MTFR1: variants seen among roughly 807,000 people sequenced by gnomAD.
The protein encoded by MTFR1 is mitochondrial fission regulator 1.
In MTFR1, 28 loss-of-function variants were observed where a neutral mutation model predicts 38.8. That is an observed-to-expected ratio of 0.72 (90% CI 0.53 to 0.99). The LOEUF (loss-of-function observed/expected upper bound fraction) is 0.99. Ranked by LOEUF, MTFR1 falls within the 50% of genes least tolerant of loss-of-function variation. The pLI is 0.00. For missense variants in MTFR1, 358 were observed against 395.5 expected, an observed-to-expected ratio of 0.91 and a Z score of 0.81; for synonymous variants, 145 against 137.0, an observed-to-expected ratio of 1.06 and a Z score of -0.41.
intron 1 of MTFR1, among the ~76,000 whole-genome samples, chr8:65,648,074 C>T (rs575470636): frequency 3.9e-5 from 6 of 151,968 alleles, no homozygotes; most frequent in East Asian, 1.9e-4. Context: ...TGCAGTGGTG[C>T]GATCTTGGCT....
chr8:65,719,317 T>C (rs777931873), intron 2 of MTFR1: 11 of 1,613,972 alleles, frequency 6.8e-6, no homozygotes, highest in Non-Finnish European at 8.5e-6. Flanking sequence ...CCTGAGGTAA[T>C]AACTGTGAGT....
chr8:65,644,884 G>C (rs1013357797), intron 1 of MTFR1, 100 bp downstream of exon 1: 2 of 152,422 alleles, frequency 1.3e-5, no homozygotes, highest in Non-Finnish European at 2.9e-5. Context: ...GTCAGAACAG[G>C]AGCTGAAGGA....
At chr8:65,692,298 T>C (rs1372845285) in intron 3 of MTFR1, among the ~76,000 whole-genome samples, 1 of 152,198 alleles carries the variant, frequency 6.6e-6, no homozygotes, top group African/African-American at 2.4e-5. Context: ...AACTCAGTTA[T>C]CTTTTTTGTT....
chr8:65,658,676 A>G (rs1028926394), intron 1 of MTFR1, among the ~76,000 whole-genome samples: 1 of 152,172 alleles, frequency 6.6e-6, no homozygotes, highest in Non-Finnish European at 1.5e-5. Flanking sequence ...ACAAAATGCC[A>G]CCTGATTCTT....
At chr8:65,708,387 CAA>C in intron 7 of MTFR1, 1 of 327,196 alleles carries the variant, frequency 3.1e-6, no homozygotes. Flanking sequence ...AGTATAGTAA[CAA>C]TGTATATTTT....
rs927337005 is a variant in MTFR1, at chr8:65,667,004, G to A, written c.-80-2869G>A. On this transcript the variant is annotated intron_variant, in intron 1 of 7. Coordinates refer to ENST00000262146, the MANE Select transcript of MTFR1 (RefSeq NM_014637.4). ...AATTAGAATTTTCCGGCCAGACGCG[G>A]TGGCTCACACCTTAATCCCAGCACT... Among the ~76,000 whole-genome samples the A allele has an allele frequency of 5.9e-5, 9 of 152,300 alleles. No individual in the cohort carries two copies. The East Asian group carries it at 1.7e-3, about 29-fold the overall frequency.
At chr8:65,732,294 C>G (rs1436659908) in intron 3 of MTFR1, among the ~76,000 whole-genome samples, 1 of 152,102 alleles carries the variant, frequency 6.6e-6, no homozygotes, top group African/African-American at 2.4e-5. Flanking sequence ...CCACCATGCC[C>G]AGCCACTAAC....
intron 3 of MTFR1, chr8:65,722,701 T>TTATGCTTTCTA (rs1276910586): frequency 6.6e-6 from 1 of 152,238 alleles, no homozygotes; most frequent in Non-Finnish European, 1.5e-5. Context: ...GACATTTTCA[T>TTATGCTTTCTA]TATGCTTTCT....
the MTFR1 span, among the ~76,000 whole-genome samples, chr8:65,777,083 T>C: frequency 6.7e-6 from 1 of 149,108 alleles, no homozygotes; most frequent in Admixed American, 6.7e-5. Context: ...AATGCTTTTT[T>C]TTTTTTTTTT....
intron 1 of MTFR1, among the ~76,000 whole-genome samples, chr8:65,662,473 C>T (rs1251053062): frequency 6.7e-6 from 1 of 150,372 alleles, no homozygotes; most frequent in Non-Finnish European, 1.5e-5. Flanking sequence ...AGCTGCCTGC[C>T]TTGGCCCCCC....
chr8:65,761,706 A>G (rs1456584360), intron 3 of MTFR1, among the ~76,000 whole-genome samples: 1 of 152,246 alleles, frequency 6.6e-6, no homozygotes, highest in Non-Finnish European at 1.5e-5. Flanking sequence ...GATCACGGGT[A>G]TTACTTCCAG....
At chr8:65,719,093 T>C (rs1293298353) in intron 2 of MTFR1, 16 of 583,768 alleles carry the variant, frequency 2.7e-5, no homozygotes, top group Non-Finnish European at 4.3e-5. Flanking sequence ...CAAATTCATA[T>C]TGCTGTATGT....
intron 1 of MTFR1, among the ~76,000 whole-genome samples, chr8:65,661,290 G>C (rs1809407298): frequency 6.6e-6 from 1 of 152,176 alleles, no homozygotes; most frequent in Non-Finnish European, 1.5e-5. Flanking sequence ...TATTGATAGT[G>C]GGAAGACTGC....
Position 65,693,641 on chromosome 8 carries a change from C to G in MTFR1, c.166-3C>G, listed in dbSNP as rs367992994. The G allele has an allele frequency of 1.2e-6, 2 of 1,612,454 alleles. No individual in the cohort carries two copies. Among genetic ancestry groups the G allele is most frequent in the Admixed American group, 1.7e-5 (1 of 59,952 alleles). On this transcript the variant is annotated splice_polypyrimidine_tract_variant and splice_region_variant and intron_variant, in intron 3 of 7. Transcript: ENST00000262146. Reference sequence around the variant, plus strand: ...AAGAACTTTCCCTATTTATAACTTACAGATTAACAGCCATGCAACAGAATG... The same window carrying G: ...AAGAACTTTCCCTATTTATAACTTAGAGATTAACAGCCATGCAACAGAATG...
intron 1 of MTFR1, among the ~76,000 whole-genome samples, chr8:65,666,862 C>G (rs1321676445): frequency 6.6e-6 from 1 of 152,216 alleles, no homozygotes; most frequent in African/African-American, 2.4e-5. Context: ...TTCTTTTACA[C>G]TCCCTGGCAC....
chr8:65,712,436 C>G (rs1191993354), downstream of MTFR1, among the ~76,000 whole-genome samples: 2 of 152,090 alleles, frequency 1.3e-5, no homozygotes, highest in African/African-American at 2.4e-5. Flanking sequence ...GAGTAGGAAG[C>G]CTCTAGAGTG....
chr8:65,714,852 G>A (rs1186582222), downstream of MTFR1: 1 of 152,158 alleles, frequency 6.6e-6, no homozygotes, highest in Non-Finnish European at 1.5e-5. Context: ...CCTCTAATCT[G>A]TACCTCAGGT....
At chr8:65,745,947 A>G (rs1388980428) in intron 3 of MTFR1, among the ~76,000 whole-genome samples, 1 of 147,510 alleles carries the variant, frequency 6.8e-6, no homozygotes, top group Non-Finnish European at 1.5e-5. Context: ...TCTTTGAGAC[A>G]GGGTCTCACA....
rs1441445138 is a variant in MTFR1 at position 65,682,446 on chromosome 8, T to G, written c.160T>G (p.Phe54Val). 6.9e-7 allele frequency: 1 copy of G among 1,451,866 alleles called. No individual in the cohort carries two copies. The highest frequency in any genetic ancestry group is 1.5e-5 in the South Asian group (1 of 67,734). The allele number at this position is 1,451,866 out of a possible 1,614,324, so 89.9% of individuals were successfully genotyped here. A position where few individuals can be genotyped will look rare whatever the true frequency, so the allele number is the denominator to read the frequency against. ...LSLIQCPRVQ[F>V]QINSHATEWS... ...TCTGATTCAGTGTCCAAGAGTTCAG[T>G]TTCAGGTATTATATTTTATATATTT... The change falls in exon 3 of 8, where the codon TTT becomes GTT. Residue 54 changes from phenylalanine (F) to valine (V), a missense_variant. Phe to Val is a conservative substitution (Grantham distance 50). Transcript: ENST00000262146.
Sources: allele counts gnomAD v4.1 joint callset (sites outside exome capture counted in the v4.1 genomes callset), GRCh38; gene constraint gnomAD v4.1.1; transcripts MANE v1.5; gene names NCBI Gene and HGNC (gene_info 2026-07-23, HGNC 2026-07-21).